Variants in SCHIP1 observed in about 807,000 individuals in gnomAD.
The protein encoded by SCHIP1 is schwannomin interacting protein 1, also known as schwannomin-interacting protein 1.
A neutral mutation model predicts 29.7 loss-of-function variants in SCHIP1; 8 were observed. The ratio of observed to expected loss-of-function variants is 0.27; its 90% CI spans 0.16 to 0.49. The LOEUF is 0.49. Among genes scored for constraint, SCHIP1 ranks in the 20% least tolerant of loss-of-function variants. The pLI, the probability that SCHIP1 is intolerant of heterozygous loss-of-function variation, is 0.99. For synonymous variants in SCHIP1, 76 were observed against 94.9 expected (o/e 0.80, Z 1.16); for missense variants, 193 against 294.6 (o/e 0.66, Z 2.52).
At chr3:159,311,218 G>A in the SCHIP1 span, among the ~76,000 whole-genome samples, 1,020 of 152,166 alleles carry the variant, frequency 6.7e-3, 14 homozygotes, top group Middle Eastern at 0.031. Context: ...GGAAAAAATG[G>A]TTTAAAGTGA....
At chr3:159,594,241 G>A in the SCHIP1 span, among the ~76,000 whole-genome samples, 40 of 152,368 alleles carry the variant, frequency 2.6e-4, no homozygotes, top group African/African-American at 8.7e-4. Flanking sequence ...AAAGCTGGAG[G>A]CCAGCATTGA....
chr3:159,589,867 C>A, the SCHIP1 span, among the ~76,000 whole-genome samples: 2 of 151,942 alleles, frequency 1.3e-5, no homozygotes, highest in Middle Eastern at 3.4e-3. Context: ...AACCAAAAAA[C>A]CTTCAAGTAT....
At chr3:159,838,369 C>A (rs1743874694), upstream of SCHIP1, among the ~76,000 whole-genome samples, 1 of 152,284 alleles carries the variant, frequency 6.6e-6, no homozygotes, top group Middle Eastern at 3.4e-3. Context: ...CATGTCAATT[C>A]CATTTCTCAT....
At chr3:159,689,464 G>T in the SCHIP1 span, among the ~76,000 whole-genome samples, 4 of 152,166 alleles carry the variant, frequency 2.6e-5, no homozygotes, top group African/African-American at 9.7e-5. Flanking sequence ...CTGAGACTTT[G>T]CTGAAGTTGC....
the SCHIP1 span, among the ~76,000 whole-genome samples, chr3:159,422,865 A>G: frequency 6.6e-6 from 1 of 152,210 alleles, no homozygotes. Flanking sequence ...GCATTTGGGC[A>G]GTTTCTAGTG....
At chr3:159,331,048 C>T in the SCHIP1 span, among the ~76,000 whole-genome samples, 8 of 152,258 alleles carry the variant, frequency 5.3e-5, 1 homozygote, top group Middle Eastern at 0.014. Flanking sequence ...GGGATTTCCC[C>T]ACAAGCAGAC....
At chr3:159,679,366 T>A in the SCHIP1 span, among the ~76,000 whole-genome samples, 1 of 152,202 alleles carries the variant, frequency 6.6e-6, no homozygotes, top group African/African-American at 2.4e-5. Context: ...GATCTGAAGT[T>A]GAGAGCATCT....
At chr3:159,554,115 C>T in the SCHIP1 span, among the ~76,000 whole-genome samples, 2 of 151,570 alleles carry the variant, frequency 1.3e-5, no homozygotes, top group Non-Finnish European at 2.9e-5. Context: ...CGTGATCCGC[C>T]CGCCTTGGCT....
the SCHIP1 span, among the ~76,000 whole-genome samples, chr3:159,816,763 A>G: frequency 6.6e-6 from 1 of 152,130 alleles, no homozygotes; most frequent in Non-Finnish European, 1.5e-5. Flanking sequence ...CTTGTACTCT[A>G]ACAAAACCAG....
At chr3:159,350,211 T>A in the SCHIP1 span, among the ~76,000 whole-genome samples, 9 of 152,138 alleles carry the variant, frequency 5.9e-5, no homozygotes, top group African/African-American at 2.2e-4. Flanking sequence ...GTTAGAAAAC[T>A]GAAACTCAGA....
chr3:159,567,686 C>T, the SCHIP1 span, among the ~76,000 whole-genome samples: 8 of 152,038 alleles, frequency 5.3e-5, no homozygotes, highest in South Asian at 4.1e-4. Flanking sequence ...TATAATTAGT[C>T]TTGATAGCTA....
At chr3:159,674,062 C>G in the SCHIP1 span, among the ~76,000 whole-genome samples, 2 of 152,180 alleles carry the variant, frequency 1.3e-5, no homozygotes, top group Admixed American at 1.3e-4. Context: ...TTTTATCACA[C>G]TACTTCCTTT....
chr3:159,369,862 G>C, the SCHIP1 span, among the ~76,000 whole-genome samples: 1 of 152,078 alleles, frequency 6.6e-6, no homozygotes, highest in Non-Finnish European at 1.5e-5. Context: ...TCAATCAACT[G>C]GTCCTAGACA....
At chr3:159,769,622 C>T in the SCHIP1 span, among the ~76,000 whole-genome samples, 1 of 151,818 alleles carries the variant, frequency 6.6e-6, no homozygotes, top group Non-Finnish European at 1.5e-5. Flanking sequence ...TGGTGGCGGG[C>T]GCCTGTAATC....
At chr3:159,688,302 G>A in the SCHIP1 span, among the ~76,000 whole-genome samples, 47 of 152,252 alleles carry the variant, frequency 3.1e-4, no homozygotes, top group East Asian at 7.7e-3. Flanking sequence ...TCTAACAGGC[G>A]TGAATTTGTA....
At chr3:159,765,287 T>C in the SCHIP1 span, 1 of 918,256 alleles carries the variant, frequency 1.1e-6, no homozygotes, top group Non-Finnish European at 1.6e-6. Flanking sequence ...GCCTGCCGTC[T>C]GCTCCCCTGG....
the SCHIP1 span, among the ~76,000 whole-genome samples, chr3:159,442,853 C>T: frequency 6.6e-6 from 1 of 152,174 alleles, no homozygotes; most frequent in African/African-American, 2.4e-5. Flanking sequence ...CTGCAGTTAA[C>T]TATAATATCC....
At chr3:159,401,631 C>T in the SCHIP1 span, among the ~76,000 whole-genome samples, 4 of 152,170 alleles carry the variant, frequency 2.6e-5, no homozygotes, top group Admixed American at 6.5e-5. Flanking sequence ...GACTCCAAGA[C>T]TCATACACTT....
At chr3:159,519,027 A>G in the SCHIP1 span, among the ~76,000 whole-genome samples, 1 of 152,122 alleles carries the variant, frequency 6.6e-6, no homozygotes, top group African/African-American at 2.4e-5. Flanking sequence ...CATTTAAGAA[A>G]CCAAGCTCTA....
Sources: gnomAD v4.1 joint callset for allele counts (sites outside exome capture counted in the v4.1 genomes callset) on GRCh38, gnomAD v4.1.1 for gene constraint, MANE v1.5 for transcripts, NCBI Gene and HGNC (gene_info 2026-07-23, HGNC 2026-07-21) for gene names.